PCSK2: variants seen among roughly 807,000 people sequenced by gnomAD.
PCSK2 encodes the protein proprotein convertase subtilisin/kexin type 2.
PCSK2 carries 14 observed loss-of-function variants against 69.7 expected under a neutral mutation model. The observed-to-expected ratio is 0.20, with a 90% CI of 0.13 to 0.31. PCSK2 has a LOEUF of 0.31. Ranked by LOEUF, PCSK2 falls within the 10% of genes least tolerant of loss-of-function variation. The pLI, the probability that PCSK2 is intolerant of heterozygous loss-of-function variation, is 1.00. For synonymous variants in PCSK2, 307 were observed against 320.7 expected, an observed-to-expected ratio of 0.96 and a Z score of 0.46; for missense variants, 544 against 842.5, an observed-to-expected ratio of 0.65 and a Z score of 4.39.
intron 11 of PCSK2, among the ~76,000 whole-genome samples, chr20:17,473,197 G>T (rs1213147344): frequency 7.1e-6 from 1 of 141,630 alleles, no homozygotes; most frequent in African/African-American, 2.6e-5. Context: ...GCGTTCAAGC[G>T]ATTCTCCTGC....
At chr20:17,407,011 C>T (rs6131944) in intron 5 of PCSK2, among the ~76,000 whole-genome samples, 2 of 152,156 alleles carry the variant, frequency 1.3e-5, no homozygotes, top group East Asian at 3.9e-4. Flanking sequence ...TGCCTAAACC[C>T]TGGATGCTTA....
At chr20:17,443,989 G>A (rs1234616206) in intron 8 of PCSK2, among the ~76,000 whole-genome samples, 2 of 152,200 alleles carry the variant, frequency 1.3e-5, no homozygotes, top group Non-Finnish European at 2.9e-5. Flanking sequence ...CCCAAGCAGT[G>A]GGAATAAATC....
At chr20:17,266,306 G>A (rs1256031611) in intron 2 of PCSK2, among the ~76,000 whole-genome samples, 3 of 152,144 alleles carry the variant, frequency 2.0e-5, no homozygotes, top group Non-Finnish European at 4.4e-5. Flanking sequence ...CCTTTCTGGG[G>A]GTGAGCCTGT....
intron 2 of PCSK2, among the ~76,000 whole-genome samples, chr20:17,279,787 CAA>C (rs1180147919): frequency 0.011 from 716 of 68,046 alleles, 3 homozygotes; most frequent in East Asian, 0.04. Context: ...AACTCCGTCT[CAA>C]AAAAAAAAAA....
chr20:17,300,532 C>T (rs1989045891), intron 2 of PCSK2, among the ~76,000 whole-genome samples: 1 of 152,190 alleles, frequency 6.6e-6, no homozygotes, highest in Non-Finnish European at 1.5e-5. Context: ...TTTTGCATCC[C>T]TTTTAGTTCC....
intron 1 of PCSK2, among the ~76,000 whole-genome samples, chr20:17,254,790 TA>T (rs901117118): frequency 1.3e-5 from 2 of 152,228 alleles, no homozygotes; most frequent in Non-Finnish European, 2.9e-5. Context: ...ATTGCCATTT[TA>T]AAAAATCCGT....
At chr20:17,347,785 GACGAAAGAAAGA>G (rs1441474206) in intron 2 of PCSK2, among the ~76,000 whole-genome samples, 5 of 86,646 alleles carry the variant, frequency 5.8e-5, no homozygotes, top group Non-Finnish European at 1.1e-4. Flanking sequence ...AAGACACATA[GACGAAAGAAAGA>G]AAGAAAGAAA....
Position 17,482,224 on chromosome 20 carries a change from A to G in PCSK2, c.*154A>G. On this transcript the variant is annotated 3_prime_UTR_variant, in exon 12 of 12. Coordinates refer to ENST00000262545, the MANE Select transcript of PCSK2 (RefSeq NM_002594.5). Reference sequence around the variant, plus strand: ...TCACTCACTGTCAATGATTATTTTCATTACAATGGAAACAATCTTTTTTAC... The same window carrying G: ...TCACTCACTGTCAATGATTATTTTCGTTACAATGGAAACAATCTTTTTTAC... 1 of 668,322 alleles carries G rather than the reference A, an allele frequency of 1.5e-6. No homozygotes were observed. Among genetic ancestry groups the G allele is most frequent in the Non-Finnish European group, 2.4e-6 (1 of 418,000 alleles). 41.4% of individuals were successfully genotyped at this position (668,322 alleles called of 1,614,324 possible).
intron 2 of PCSK2, among the ~76,000 whole-genome samples, chr20:17,301,685 C>T (rs906779751): frequency 6.6e-6 from 1 of 152,120 alleles, no homozygotes; most frequent in African/African-American, 2.4e-5. Context: ...GTAATCCCAA[C>T]ACTTTGGGAG....
At chr20:17,301,547 T>C (rs1390899002) in intron 2 of PCSK2, among the ~76,000 whole-genome samples, 1 of 152,232 alleles carries the variant, frequency 6.6e-6, no homozygotes, top group South Asian at 2.1e-4. Flanking sequence ...CTATAAAACA[T>C]TTTTTGGATA....
chr20:17,430,568 G>C (rs560676568), intron 7 of PCSK2, among the ~76,000 whole-genome samples: 7 of 152,326 alleles, frequency 4.6e-5, no homozygotes, highest in African/African-American at 1.7e-4. Context: ...GGTGCTGAAT[G>C]TCACAAAAGA....
Position 17,483,732 on chromosome 20 carries a change from A to C in PCSK2, c.*1662A>C, listed in dbSNP as rs2033450182. On this transcript the variant is annotated 3_prime_UTR_variant, in exon 12 of 12. Coordinates refer to ENST00000262545, the MANE Select transcript of PCSK2 (RefSeq NM_002594.5). The stretch of plus-strand genomic sequence containing the variant: ...TCTCTATATCATGCTTTAAAGTGTA[A>C]TAATATGATTTTTTAAAAGAAATTT... 1 of 152,616 alleles carries C rather than the reference A, an allele frequency of 6.6e-6. No individual in the cohort carries two copies. The highest frequency in any genetic ancestry group is 2.1e-4 in the South Asian group (1 of 4,832). 9.5% of individuals were successfully genotyped at this position (152,616 alleles called of 1,614,324 possible).
intron 2 of PCSK2, among the ~76,000 whole-genome samples, chr20:17,322,074 T>C (rs963379244): frequency 1.3e-5 from 2 of 152,044 alleles, no homozygotes; most frequent in South Asian, 2.1e-4. Flanking sequence ...AGAGTACTCA[T>C]TGATCATTTT....
At chr20:17,448,864 C>T in intron 8 of PCSK2, among the ~76,000 whole-genome samples, 1 of 151,148 alleles carries the variant, frequency 6.6e-6, no homozygotes, top group East Asian at 1.9e-4. Flanking sequence ...AGTTGCACCA[C>T]TCACTTAATT....
At chr20:17,247,896 G>T (rs1232024158) in intron 1 of PCSK2, among the ~76,000 whole-genome samples, 1 of 152,186 alleles carries the variant, frequency 6.6e-6, no homozygotes, top group East Asian at 1.9e-4. Flanking sequence ...GGTTCAGAGA[G>T]GTGCTATAGC....
At chr20:17,454,631 A>G (rs2032885204) in intron 9 of PCSK2, among the ~76,000 whole-genome samples, 1 of 152,212 alleles carries the variant, frequency 6.6e-6, no homozygotes. Flanking sequence ...GTAAAGCATA[A>G]TAAGCTTTTT....
At chr20:17,421,271 A>G (rs1336942824) in intron 6 of PCSK2, among the ~76,000 whole-genome samples, 2 of 152,224 alleles carry the variant, frequency 1.3e-5, no homozygotes, top group Non-Finnish European at 2.9e-5. Flanking sequence ...TCACTTCTCC[A>G]GAAAGCAATG....
chr20:17,413,383 C>A (rs1332226189), intron 6 of PCSK2, among the ~76,000 whole-genome samples: 1 of 152,112 alleles, frequency 6.6e-6, no homozygotes, highest in Admixed American at 6.5e-5. Flanking sequence ...GGTTGCAATT[C>A]TAGTCTCTGA....
At chr20:17,371,480 T>C (rs1298700885) in intron 5 of PCSK2, among the ~76,000 whole-genome samples, 4 of 152,206 alleles carry the variant, frequency 2.6e-5, no homozygotes, top group African/African-American at 4.8e-5. Flanking sequence ...AGAACTCTTA[T>C]CGGTTCTGTG....
Sources: gnomAD v4.1 joint callset for allele counts (sites outside exome capture counted in the v4.1 genomes callset) on GRCh38, gnomAD v4.1.1 for gene constraint, MANE v1.5 for transcripts, NCBI Gene and HGNC (gene_info 2026-07-23, HGNC 2026-07-21) for gene names.